Variants in SYNC observed in about 807,000 individuals in gnomAD.
SYNC encodes the protein syncoilin.
A neutral mutation model predicts 49.5 loss-of-function variants in SYNC; 38 were observed. The ratio of observed to expected loss-of-function variants is 0.77; its 90% CI spans 0.59 to 1.01. The LOEUF (loss-of-function observed/expected upper bound fraction) is 1.01. Ranked by LOEUF, SYNC falls within the 50% of genes least tolerant of loss-of-function variation. SYNC has a pLI of 0.00. For synonymous variants in SYNC, 201 were observed against 230.8 expected (o/e 0.87, Z 1.17); for missense variants, 579 against 580.6 (o/e 1.00, Z 0.03).
chr1:32,691,960 G>A (rs1489900097), intron 2 of SYNC, among the ~76,000 whole-genome samples: 1 of 152,066 alleles, frequency 6.6e-6, no homozygotes, highest in East Asian at 1.9e-4. Context: ...CCGGCCGGGC[G>A]CAGTGGCTCA....
chr1:32,685,849 G>A (rs1649788507), intron 2 of SYNC: 1 of 152,136 alleles, frequency 6.6e-6, no homozygotes, highest in Non-Finnish European at 1.5e-5. Flanking sequence ...CATTAAGGAT[G>A]GTCTCTTAAT....
At chr1:32,682,958 A>G (rs1649546005) in intron 4 of SYNC, 1 of 152,080 alleles carries the variant, frequency 6.6e-6, no homozygotes, top group South Asian at 2.1e-4. Context: ...TTGGTCAGAA[A>G]GATGCCTTCA....
Position 32,702,570 on chromosome 1 carries a change from C to T in SYNC, c.53+38G>A. On this transcript the variant is annotated intron_variant, in intron 1 of 4. Coordinates refer to ENST00000409190, the MANE Select transcript of SYNC (RefSeq NM_030786.3). This position sits in a 1 kb window ranked among gnomAD's most constrained non-coding sequence, Gnocchi z 6.2. ...GGAACCCGTCCAGCAGCACCCCTTCCCCAGCGGGGCGGCGACGCGGGCCCG... is the reference window on the plus strand; with the variant it reads ...GGAACCCGTCCAGCAGCACCCCTTCTCCAGCGGGGCGGCGACGCGGGCCCG... The T allele has an allele frequency of 1.1e-5, 13 of 1,217,388 alleles. No individual in the cohort carries two copies. The highest frequency in any genetic ancestry group is 1.3e-5 in the Non-Finnish European group (13 of 978,700). The allele number at this position is 1,217,388 out of a possible 1,614,324, so 75.4% of individuals were successfully genotyped here.
At chr1:32,696,648 C>T (rs1472140971) in intron 1 of SYNC, among the ~76,000 whole-genome samples, 2 of 152,120 alleles carry the variant, frequency 1.3e-5, no homozygotes, top group African/African-American at 4.8e-5. Flanking sequence ...TGGGGTTTCA[C>T]CATGTTAGTC....
intron 2 of SYNC, chr1:32,685,042 G>A (rs634717): frequency 0.86 from 131,278 of 152,178 alleles, 58,161 homozygotes; most frequent in Non-Finnish European, 0.96. Context: ...TATAGAGACA[G>A]GGTCTCGCTA....
upstream of SYNC, chr1:32,702,871 G>A (rs1650725762): frequency 1.0e-5 from 2 of 197,872 alleles, no homozygotes; most frequent in Non-Finnish European, 1.9e-5. This position sits in a 1 kb window ranked among gnomAD's most constrained non-coding sequence, Gnocchi z 6.2. Flanking sequence ...TGCCCCTCCC[G>A]GACCAGCCTG....
rs1320673860 is a variant in SYNC at position 32,702,756 on chromosome 1, C to T, written c.-96G>A. 1 of 1,009,924 alleles carries T rather than the reference C, an allele frequency of 9.9e-7. No homozygotes were observed. The highest frequency in any genetic ancestry group is 1.2e-6 in the Non-Finnish European group (1 of 832,022). 62.6% of individuals were successfully genotyped at this position (1,009,924 alleles called of 1,614,324 possible). A position where few individuals can be genotyped will look rare whatever the true frequency, so the allele number is the denominator to read the frequency against. On this transcript the variant is annotated 5_prime_UTR_variant, in exon 1 of 5. Transcript: ENST00000409190. This position sits in a 1 kb window ranked among gnomAD's most constrained non-coding sequence, Gnocchi z 6.2. ...GCGCCCGCCGCACTGCCAGCTGCAA[C>T]CGACACCGGATCCCGGCCGGCCCCG...
intron 1 of SYNC, among the ~76,000 whole-genome samples, chr1:32,697,678 G>A (rs1650492754): frequency 6.6e-6 from 1 of 151,186 alleles, no homozygotes; most frequent in Admixed American, 6.6e-5. Flanking sequence ...TCGAGGCTGT[G>A]CTGAGCCATG....
rs1329650462 is a variant in SYNC, at chr1:32,702,565, C to T, written c.53+43G>A. The T allele has an allele frequency of 2.5e-6, 3 of 1,216,556 alleles. No homozygotes were observed. The highest frequency in any genetic ancestry group is 3.1e-6 in the Non-Finnish European group (3 of 978,028). 75.4% of individuals were successfully genotyped at this position (1,216,556 alleles called of 1,614,324 possible). A position where few individuals can be genotyped will look rare whatever the true frequency, so the allele number is the denominator to read the frequency against. On this transcript the variant is annotated intron_variant, in intron 1 of 4. Coordinates refer to ENST00000409190, the MANE Select transcript of SYNC (RefSeq NM_030786.3). This position sits in a 1 kb window ranked among gnomAD's most constrained non-coding sequence, Gnocchi z 6.2. ...GAAAGGGAACCCGTCCAGCAGCACC[C>T]CTTCCCCAGCGGGGCGGCGACGCGG... is the stretch of plus-strand genomic sequence containing the variant.
At position 32,681,833 on chromosome 1, in the gene SYNC, G is replaced by A. The variant is rs752263712; in HGVS notation, c.*17C>T. 6.2e-7 allele frequency: 1 copy of A among 1,614,056 alleles called. No individual in the cohort carries two copies. Among genetic ancestry groups the A allele is most frequent in the East Asian group, 2.2e-5 (1 of 44,896 alleles). The stretch of plus-strand genomic sequence containing the variant: ...AGTTTTTTGCTGTTTCCGGGTTACA[G>A]ATTTGGCCATATATTTCTAAACAGC... On this transcript the variant is annotated 3_prime_UTR_variant, in exon 5 of 5. Transcript: ENST00000409190.
rs1332447365 is a variant in SYNC, at chr1:32,681,753, T to C, written c.*97A>G. On this transcript the variant is annotated 3_prime_UTR_variant, in exon 5 of 5. Coordinates refer to ENST00000409190, the MANE Select transcript of SYNC (RefSeq NM_030786.3). ...GAATTGCTTGCCAAGTTTCTGGCAC[T>C]CTTGTCTGGTTGGAAGAGTACATCC... is the stretch of plus-strand genomic sequence containing the variant. 6.2e-7 allele frequency: 1 copy of C among 1,605,900 alleles called. No homozygotes were observed. Among genetic ancestry groups the C allele is most frequent in the East Asian group, 2.2e-5 (1 of 44,832 alleles).
At position 32,694,976 on chromosome 1, in the gene SYNC, A is replaced by G. The variant is rs1296156048; in HGVS notation, c.1122T>C (p.Ala374=). 1 of 1,613,886 alleles carries G rather than the reference A, an allele frequency of 6.2e-7. No individual in the cohort carries two copies. The highest frequency in any genetic ancestry group is 2.2e-5 in the East Asian group (1 of 44,840). ...GGGCCTCTGCTTGCAGGGGTCTCAG[A>G]GCCTCCTTCATTTCCTGGATCTCAG... The part of the protein sequence containing the change: ...TQAEIQEMKE[A]LRPLQAEARQ... Residue 374 remains alanine, a synonymous_variant, in exon 2 of 5, where the codon GCT becomes GCC. Transcript: ENST00000409190.
Position 32,695,663 on chromosome 1 carries a change from C to G in SYNC, c.435G>C (p.Arg145Ser), listed in dbSNP as rs74519835. ...TCTCCTCAGGGTTAGATTTCTCCGC[C>G]CTTGTGACTGTCTCTCCCTCATAAA... ...HVVYEGETVT[R>S]AEKSNPEESL... The change falls in exon 2 of 5, where the codon AGG (arginine) becomes AGC (serine). Residue 145 changes from arginine to serine, a missense_variant. Physicochemically the swap from Arg to Ser is moderately radical, Grantham distance 110. Coordinates refer to ENST00000409190, the MANE Select transcript of SYNC (RefSeq NM_030786.3). 3.9e-6 allele frequency: 6 copies of G among 1,551,420 alleles called. No homozygotes were observed. The highest frequency in any genetic ancestry group is 5.2e-6 in the Non-Finnish European group (6 of 1,147,018).
chr1:32,697,725 A>G (rs1033113442), intron 1 of SYNC, among the ~76,000 whole-genome samples: 5 of 148,988 alleles, frequency 3.4e-5, no homozygotes, highest in African/African-American at 9.9e-5. Context: ...GGCAACAGAG[A>G]CCCTGTCAAA....
At chr1:32,694,324 A>G (rs1355858292) in intron 2 of SYNC, among the ~76,000 whole-genome samples, 1 of 151,658 alleles carries the variant, frequency 6.6e-6, no homozygotes, top group African/African-American at 2.4e-5. Context: ...ATGCCACTGC[A>G]CCAGCCTAAG....
At position 32,695,416 on chromosome 1, in the gene SYNC, C is replaced by CT; in HGVS notation, c.681dup (p.Ala228SerfsTer102). On this transcript the variant is annotated frameshift_variant, in exon 2 of 5. Coordinates refer to ENST00000409190, the MANE Select transcript of SYNC (RefSeq NM_030786.3). LOFTEE classifies it high-confidence loss of function. ...CTTAGGCCATCTCTCTCCAGCTCTG[C>CT]TTGGGCATGGAGCTTGTAGGCAGCC... The CT allele has an allele frequency of 6.4e-7, 1 of 1,551,766 alleles. No individual in the cohort carries two copies. The highest frequency in any genetic ancestry group is 8.7e-7 in the Non-Finnish European group (1 of 1,147,062).
Position 32,681,783 on chromosome 1 carries a change from G to A in SYNC, c.*67C>T, listed in dbSNP as rs1288733625. The A allele has an allele frequency of 1.2e-6, 2 of 1,613,762 alleles. No homozygotes were observed. The highest frequency in any genetic ancestry group is 1.7e-6 in the Non-Finnish European group (2 of 1,179,884). ...TCTGGTTGGAAGAGTACATCCAAAGGGTACTTAGTGATCCTTTGCTAAGAA... is the reference window on the plus strand; with the variant it reads ...TCTGGTTGGAAGAGTACATCCAAAGAGTACTTAGTGATCCTTTGCTAAGAA... On this transcript the variant is annotated 3_prime_UTR_variant, in exon 5 of 5. Transcript: ENST00000409190.
chr1:32,694,640 C>T (rs1557875384), intron 2 of SYNC, among the ~76,000 whole-genome samples: 3 of 148,958 alleles, frequency 2.0e-5, no homozygotes, highest in South Asian at 4.2e-4. Context: ...GGCGACAGAG[C>T]GAGACTCCAT....
Position 32,681,876 on chromosome 1 carries a change from A to G in SYNC, c.1439-16T>C. The stretch of plus-strand genomic sequence containing the variant: ...TAAACAGCCCCTGTAAAGTTGAAAG[A>G]AAAAGTTTATAACAGTGAACTTCTG... On this transcript the variant is annotated splice_polypyrimidine_tract_variant and intron_variant, in intron 4 of 4. Coordinates refer to ENST00000409190, the MANE Select transcript of SYNC (RefSeq NM_030786.3). 1.2e-6 allele frequency: 2 copies of G among 1,613,056 alleles called. No homozygotes were observed. Among genetic ancestry groups the G allele is most frequent in the South Asian group, 2.2e-5 (2 of 91,058 alleles).
Sources: gnomAD v4.1 joint callset for allele counts (sites outside exome capture counted in the v4.1 genomes callset) on GRCh38, gnomAD v4.1.1 for gene constraint, Gnocchi (gnomAD v3.1) non-coding constraint, MANE v1.5 for transcripts, NCBI Gene and HGNC (gene_info 2026-07-23, HGNC 2026-07-21) for gene names.